GRID1: variants seen among roughly 807,000 people sequenced by gnomAD.
The protein encoded by GRID1 is glutamate ionotropic receptor delta type subunit 1, also known as glutamate receptor ionotropic, delta-1.
In GRID1, 28 loss-of-function variants were observed where a neutral mutation model predicts 98.0. The observed-to-expected ratio is 0.29, with a 90% CI of 0.21 to 0.39. The LOEUF is 0.39. GRID1 is among the 10% of genes least tolerant of loss of function. The pLI is 1.00. For missense variants in GRID1, 1,111 were observed against 1,340.5 expected (o/e 0.83, Z 2.67); for synonymous variants, 553 against 538.5 (o/e 1.03, Z -0.37).
intron 5 of GRID1, among the ~76,000 whole-genome samples, chr10:85,878,975 T>C (rs1263812712): frequency 6.6e-6 from 1 of 151,626 alleles, no homozygotes; most frequent in African/African-American, 2.4e-5. Context: ...GCAATCCTAG[T>C]CTCTGATAAA....
chr10:85,721,300 C>A (rs979093002), intron 12 of GRID1, among the ~76,000 whole-genome samples: 2 of 152,132 alleles, frequency 1.3e-5, no homozygotes, highest in African/African-American at 4.8e-5. Context: ...TCTTACAATA[C>A]CCAACATGAA....
intron 2 of GRID1, among the ~76,000 whole-genome samples, chr10:86,348,212 G>T (rs569700982): frequency 6.6e-6 from 1 of 152,322 alleles, no homozygotes; most frequent in African/African-American, 2.4e-5. Context: ...CCCTGCATGT[G>T]CCTAGGCCTG....
intron 4 of GRID1, among the ~76,000 whole-genome samples, chr10:85,958,677 T>C (rs1842225401): frequency 6.6e-6 from 1 of 151,850 alleles, no homozygotes; most frequent in Non-Finnish European, 1.5e-5. Context: ...AAGCTGAGGG[T>C]CCAGGCGTGG....
At chr10:85,754,523 G>C (rs1842077872) in intron 8 of GRID1, among the ~76,000 whole-genome samples, 1 of 152,184 alleles carries the variant, frequency 6.6e-6, no homozygotes, top group African/African-American at 2.4e-5. Flanking sequence ...GACAAAGAGA[G>C]TGAGATATGA....
chr10:86,256,517 C>G (rs1296330204), intron 2 of GRID1, among the ~76,000 whole-genome samples: 1 of 152,272 alleles, frequency 6.6e-6, no homozygotes, highest in Middle Eastern at 3.4e-3. Flanking sequence ...CAATTAAACT[C>G]ACCCTGTTGG....
intron 8 of GRID1, among the ~76,000 whole-genome samples, chr10:85,854,239 G>A (rs554354371): frequency 6.6e-6 from 1 of 152,232 alleles, no homozygotes; most frequent in South Asian, 2.1e-4. Flanking sequence ...CAAGCAGTAG[G>A]ACCCAGTTGT....
intron 4 of GRID1, among the ~76,000 whole-genome samples, chr10:86,044,013 A>G (rs1002932232): frequency 6.6e-6 from 1 of 152,246 alleles, no homozygotes; most frequent in Non-Finnish European, 1.5e-5. Flanking sequence ...AGTGAGTTAC[A>G]GATTATTATA....
intron 3 of GRID1, among the ~76,000 whole-genome samples, chr10:86,168,123 G>A (rs187265254): frequency 1.3e-5 from 2 of 152,292 alleles, no homozygotes; most frequent in African/African-American, 2.4e-5. Context: ...GAGGCACTAC[G>A]GGGCAAGGTG....
intron 2 of GRID1, among the ~76,000 whole-genome samples, chr10:86,342,615 G>A (rs1451385530): frequency 6.6e-6 from 1 of 152,228 alleles, no homozygotes; most frequent in African/African-American, 2.4e-5. Flanking sequence ...GCAGGCCTGA[G>A]GGACATCCAG....
chr10:86,242,644 C>G (rs1846656443), intron 2 of GRID1, among the ~76,000 whole-genome samples: 1 of 152,178 alleles, frequency 6.6e-6, no homozygotes, highest in Non-Finnish European at 1.5e-5. Flanking sequence ...GCTGGAGCCC[C>G]TGCCCATGCC....
At chr10:86,301,026 A>T (rs1274942554) in intron 2 of GRID1, among the ~76,000 whole-genome samples, 1 of 152,188 alleles carries the variant, frequency 6.6e-6, no homozygotes, top group Admixed American at 6.5e-5. Flanking sequence ...AACCCTCTCT[A>T]TTGCTAGTCC....
chr10:85,942,238 G>A (rs948019734), intron 4 of GRID1, among the ~76,000 whole-genome samples: 23 of 152,188 alleles, frequency 1.5e-4, no homozygotes, highest in African/African-American at 5.3e-4. Flanking sequence ...ATGCTATCCT[G>A]TGCTCCCCTG....
At chr10:85,938,339 A>T (rs1841953829) in intron 4 of GRID1, among the ~76,000 whole-genome samples, 1 of 152,358 alleles carries the variant, frequency 6.6e-6, no homozygotes, top group Non-Finnish European at 1.5e-5. Flanking sequence ...ATGGGGTCAG[A>T]GTCCACCCTC....
rs2814325 is a variant in GRID1 at position 86,192,028 on chromosome 10, G to A, written c.520+14336C>T. 0.29 allele frequency among the ~76,000 whole-genome samples: 44,410 copies of A among 151,986 alleles called. 6,720 individuals carry two copies. Among genetic ancestry groups the A allele is most frequent in the East Asian group, 0.48 (2,482 of 5,152 alleles). On this transcript the variant is annotated intron_variant, in intron 3 of 15. Coordinates refer to ENST00000327946, the MANE Select transcript of GRID1 (RefSeq NM_017551.3). The surrounding 1 kb of genome is among the most constrained non-coding windows in gnomAD (Gnocchi z 4.8). Reference sequence around the variant, plus strand: ...GATCTGAACTTGATCCTTAAGGAGAGGGGGAGACATTCAGGGGTCTAAGCA... The same window carrying A: ...GATCTGAACTTGATCCTTAAGGAGAAGGGGAGACATTCAGGGGTCTAAGCA...
chr10:85,914,042 C>A (rs193093440), intron 5 of GRID1, among the ~76,000 whole-genome samples: 5 of 152,288 alleles, frequency 3.3e-5, no homozygotes, highest in Non-Finnish European at 7.3e-5. Context: ...AACAGGTATA[C>A]CCCATATCTG....
intron 4 of GRID1, among the ~76,000 whole-genome samples, chr10:85,993,740 G>T (rs2131869867): frequency 6.6e-6 from 1 of 152,288 alleles, no homozygotes; most frequent in African/African-American, 2.4e-5. Context: ...GCTTTTACAT[G>T]AATTGTCCTA....
At chr10:85,728,473 T>C (rs1841787371) in intron 9 of GRID1, among the ~76,000 whole-genome samples, 1 of 152,204 alleles carries the variant, frequency 6.6e-6, no homozygotes, top group South Asian at 2.1e-4. Context: ...TAAAGCTCTG[T>C]GACATTAGGT....
intron 6 of GRID1, among the ~76,000 whole-genome samples, chr10:85,865,928 T>C (rs1843212704): frequency 8.8e-6 from 1 of 114,198 alleles, no homozygotes; most frequent in Non-Finnish European, 1.7e-5. Flanking sequence ...TATATATATA[T>C]ATATATATAT....
chr10:85,868,683 C>T (rs1843246578), intron 6 of GRID1, among the ~76,000 whole-genome samples: 2 of 152,166 alleles, frequency 1.3e-5, no homozygotes, highest in African/African-American at 4.8e-5. Context: ...AGACTCCACC[C>T]CCAGCCCTGC....
Sources: gnomAD v4.1 joint callset for allele counts (sites outside exome capture counted in the v4.1 genomes callset) on GRCh38, gnomAD v4.1.1 for gene constraint, Gnocchi (gnomAD v3.1) non-coding constraint, MANE v1.5 for transcripts, NCBI Gene and HGNC (gene_info 2026-07-23, HGNC 2026-07-21) for gene names.